SLMAP: variants seen among roughly 807,000 people sequenced by gnomAD.
SLMAP encodes the protein sarcolemmal membrane-associated protein.
SLMAP carries 44 observed loss-of-function variants against 128.8 expected under a neutral mutation model. The observed-to-expected ratio is 0.34, with a 90% confidence interval of 0.27 to 0.44. The LOEUF (loss-of-function observed/expected upper bound fraction) is 0.44, where lower values mean the gene tolerates loss of function less well. Among genes scored for constraint, SLMAP ranks in the 20% least tolerant of loss-of-function variants. The probability of loss-of-function intolerance (pLI) is 1.00; values close to 1 mark genes in which losing one functional copy is unlikely to be tolerated. For missense variants in SLMAP, 787 were observed against 985.3 expected, an observed-to-expected ratio of 0.80 and a Z score of 2.69; for synonymous variants, 327 against 348.8, an observed-to-expected ratio of 0.94 and a Z score of 0.70.
rs1370419860 is a variant in SLMAP at position 57,841,431 on chromosome 3, A to T, written c.419+60A>T. 5.2e-6 allele frequency: 5 copies of T among 958,364 alleles called. No homozygotes were observed. In the Admixed American group the frequency reaches 1.1e-4, roughly 21 times the overall value. The allele number at this position is 958,364 out of a possible 1,614,324, so 59.4% of individuals were successfully genotyped here. ...AGTTTAGTACTGTAAAGAATTTAGT[A>T]ATAATATTCTAGGTGATGGTGTACT... On this transcript the variant is annotated intron_variant, in intron 4 of 24. Coordinates refer to ENST00000671191, the MANE Select transcript of SLMAP (RefSeq NM_001377540.1).
At chr3:57,814,220 A>G (rs1034707331) in intron 2 of SLMAP, among the ~76,000 whole-genome samples, 4 of 151,020 alleles carry the variant, frequency 2.6e-5, no homozygotes, top group African/African-American at 9.8e-5. Context: ...TTCATCGTCC[A>G]TCTCTGTCAC....
At chr3:57,851,722 T>C (rs2153581539) in intron 6 of SLMAP, among the ~76,000 whole-genome samples, 1 of 152,166 alleles carries the variant, frequency 6.6e-6, no homozygotes. Flanking sequence ...TGACCTCAAG[T>C]GATCCATCCA....
Position 57,912,777 on chromosome 3 carries a change from T to C in SLMAP, c.2020+76T>C, listed in dbSNP as rs890233592. On this transcript the variant is annotated intron_variant, in intron 20 of 24. Coordinates refer to ENST00000671191, the MANE Select transcript of SLMAP (RefSeq NM_001377540.1). ...TCTTAACTTGTTTAAAAAAGAAACA[T>C]GCAGGCTTTTTTTTTCTTTGTTAGC... 9 of 1,145,240 alleles carry C rather than the reference T, an allele frequency of 7.9e-6. No homozygotes were observed. In the African/African-American group the frequency reaches 1.4e-4, roughly 18 times the overall value. 70.9% of individuals were successfully genotyped at this position (1,145,240 alleles called of 1,614,324 possible). A position where few individuals can be genotyped will look rare whatever the true frequency, so the allele number is the denominator to read the frequency against.
Position 57,813,377 on chromosome 3 carries a change from A to AC in SLMAP, c.199-18004dup, listed in dbSNP as rs528194312. ...TCCCAAAGTGCTGGGATTACAAGCC[A>AC]CCATACCCTGCTGGGTATAAGCTTT... On this transcript the variant is annotated intron_variant, in intron 2 of 24. Coordinates refer to ENST00000671191, the MANE Select transcript of SLMAP (RefSeq NM_001377540.1). Among the ~76,000 whole-genome samples the AC allele has an allele frequency of 4.7e-4, 72 of 152,270 alleles. 1 individual carries two copies. The highest frequency in any genetic ancestry group is 1.7e-3 in the African/African-American group (71 of 41,544).
intron 2 of SLMAP, among the ~76,000 whole-genome samples, chr3:57,758,968 T>C (rs2078098101): frequency 6.6e-6 from 1 of 152,200 alleles, no homozygotes; most frequent in South Asian, 2.1e-4. Context: ...AGGAAGAACT[T>C]AAGTCTTCAA....
chr3:57,839,434 A>ATTTTTTTTTTTT (rs1189313640), intron 3 of SLMAP, among the ~76,000 whole-genome samples: 1 of 82,866 alleles, frequency 1.2e-5, no homozygotes, highest in African/African-American at 5.1e-5. Context: ...CATTAGCTCT[A>ATTTTTTTTTTTT]TTTTTTTTTT....
Position 57,912,532 on chromosome 3 carries a change from T to A in SLMAP, c.1851T>A (p.Thr617=). 1 of 1,614,164 alleles carries A rather than the reference T, an allele frequency of 6.2e-7. No individual in the cohort carries two copies. The highest frequency in any genetic ancestry group is 1.6e-4 in the Middle Eastern group (1 of 6,062). Residue 617 remains threonine, a synonymous_variant, in exon 20 of 25, where the codon ACT becomes ACA. Coordinates refer to ENST00000671191, the MANE Select transcript of SLMAP (RefSeq NM_001377540.1). ...AAAKVASERD[T]DIASLQEELK... is the part of the protein sequence containing the mutation. ...CAAAGGTTGCCTCTGAGCGGGACAC[T>A]GACATTGCTTCTTTACAAGAAGAGC...
At chr3:57,830,483 A>G (rs985803858) in intron 2 of SLMAP, among the ~76,000 whole-genome samples, 4 of 152,176 alleles carry the variant, frequency 2.6e-5, no homozygotes, top group Non-Finnish European at 5.9e-5. Flanking sequence ...ATCGAAAAAG[A>G]AAGGTACGTC....
intron 2 of SLMAP, among the ~76,000 whole-genome samples, chr3:57,779,526 C>A (rs187295633): frequency 0.033 from 4,558 of 138,580 alleles, 88 homozygotes; most frequent in Non-Finnish European, 0.053. Flanking sequence ...AAAAAAAAAA[C>A]AAAAATAAAA....
intron 5 of SLMAP, among the ~76,000 whole-genome samples, chr3:57,849,367 C>T (rs140080622): frequency 7.2e-4 from 110 of 152,302 alleles, no homozygotes; most frequent in African/African-American, 2.5e-3. Flanking sequence ...CTATGGATTT[C>T]AAGAAACATT....
chr3:57,914,033 G>A (rs1415480982), intron 21 of SLMAP, among the ~76,000 whole-genome samples: 1 of 152,102 alleles, frequency 6.6e-6, no homozygotes, highest in Non-Finnish European at 1.5e-5. Flanking sequence ...AAATAGGGTT[G>A]TATGAAGGGT....
intron 3 of SLMAP, among the ~76,000 whole-genome samples, chr3:57,837,653 G>A (rs1466510220): frequency 6.6e-6 from 1 of 152,190 alleles, no homozygotes; most frequent in African/African-American, 2.4e-5. Flanking sequence ...ACAGGCGTGA[G>A]CCACTGTGCC....
intron 2 of SLMAP, among the ~76,000 whole-genome samples, chr3:57,783,090 A>G (rs1389557448): frequency 1.3e-5 from 2 of 152,248 alleles, no homozygotes; most frequent in African/African-American, 4.8e-5. Flanking sequence ...TGCTGTAACA[A>G]ACACCTGAAA....
At chr3:57,850,315 G>A (rs1264580313) in intron 6 of SLMAP, among the ~76,000 whole-genome samples, 1 of 152,198 alleles carries the variant, frequency 6.6e-6, no homozygotes, top group Non-Finnish European at 1.5e-5. Context: ...TAGATCTTAT[G>A]AAGAAAGATA....
intron 2 of SLMAP, among the ~76,000 whole-genome samples, chr3:57,810,571 A>T (rs1254972338): frequency 1.3e-5 from 2 of 152,184 alleles, no homozygotes; most frequent in East Asian, 3.8e-4. Context: ...TAAAAGATTT[A>T]TCTATATATG....
intron 9 of SLMAP, 131 bp downstream of exon 9, chr3:57,860,970 G>C: frequency 1.4e-6 from 1 of 726,758 alleles, no homozygotes; most frequent in Non-Finnish European, 2.2e-6. Context: ...AGGTGGGAAG[G>C]AACAGTTACG....
chr3:57,774,590 T>A (rs1576279319), intron 2 of SLMAP, among the ~76,000 whole-genome samples: 2 of 152,030 alleles, frequency 1.3e-5, no homozygotes, highest in South Asian at 2.1e-4. Context: ...AGTGGCATGA[T>A]CTTGGCTCAC....
intron 22 of SLMAP, among the ~76,000 whole-genome samples, chr3:57,919,856 CAAGA>C: frequency 6.6e-6 from 1 of 151,990 alleles, no homozygotes; most frequent in South Asian, 2.1e-4. Context: ...AAGACTGACT[CAAGA>C]AAGTTACTTG....
intron 8 of SLMAP, 141 bp downstream of exon 8, chr3:57,858,300 A>G (rs987074811): frequency 1.1e-5 from 7 of 613,066 alleles, no homozygotes; most frequent in Non-Finnish European, 1.8e-5. Context: ...GAGAAACGTC[A>G]GACATCCATG....
Sources: gnomAD v4.1 joint callset for allele counts (sites outside exome capture counted in the v4.1 genomes callset) on GRCh38, gnomAD v4.1.1 for gene constraint, MANE v1.5 for transcripts, NCBI Gene and HGNC (gene_info 2026-07-23, HGNC 2026-07-21) for gene names.